The following DAPK1 variants were observed in gnomAD, a reference collection of about 807,000 sequenced individuals.
The protein encoded by DAPK1 is death associated protein kinase 1.
In DAPK1, 56 loss-of-function variants were observed where a neutral mutation model predicts 144.9. The observed-to-expected ratio is 0.39, with a 90% confidence interval of 0.31 to 0.48. DAPK1 has a LOEUF of 0.48. Ranked by LOEUF, DAPK1 falls within the 20% of genes least tolerant of loss-of-function variation. DAPK1 has a pLI of 0.95. For synonymous variants in DAPK1, 690 were observed against 749.0 expected, an observed-to-expected ratio of 0.92 and a Z score of 1.29; for missense variants, 1,454 against 1,875.4, an observed-to-expected ratio of 0.78 and a Z score of 4.15.
rs554666685 is a variant in DAPK1, at chr9:87,534,556, G to T, written c.62+35417G>T. 2.0e-5 allele frequency among the ~76,000 whole-genome samples: 3 copies of T among 152,206 alleles called. No homozygotes were observed. In the East Asian group the frequency reaches 5.8e-4, roughly 29 times the overall value. ...CATCTGCAGTGTTCTTGTTAGGTAAGCACTGTTGGGACAGGTAGAGTGAAT... is the reference window on the plus strand; with the variant it reads ...CATCTGCAGTGTTCTTGTTAGGTAATCACTGTTGGGACAGGTAGAGTGAAT... On this transcript the variant is annotated intron_variant, in intron 2 of 25. Transcript: ENST00000408954.
At chr9:87,598,311 C>T (rs1488527994) in intron 2 of DAPK1, among the ~76,000 whole-genome samples, 3 of 152,142 alleles carry the variant, frequency 2.0e-5, no homozygotes, top group African/African-American at 4.8e-5. Context: ...TTGGGAGGAG[C>T]GTAAAGATGG....
intron 19 of DAPK1, among the ~76,000 whole-genome samples, chr9:87,678,917 G>T (rs1368803214): frequency 1.3e-5 from 2 of 152,186 alleles, no homozygotes; most frequent in Non-Finnish European, 2.9e-5. Context: ...ATTGCAAATG[G>T]AAATAGGAAA....
chr9:87,662,734 C>T (rs1453659100), intron 18 of DAPK1, among the ~76,000 whole-genome samples: 1 of 151,748 alleles, frequency 6.6e-6, no homozygotes, highest in South Asian at 2.1e-4. Flanking sequence ...GTGACATCCT[C>T]AGGGTTTTCT....
At chr9:87,652,854 T>C (rs1830502202) in intron 17 of DAPK1, among the ~76,000 whole-genome samples, 1 of 147,900 alleles carries the variant, frequency 6.8e-6, no homozygotes, top group African/African-American at 2.5e-5. Context: ...TGATTCTGTG[T>C]CCATCCCCCC....
In DAPK1 at chr9:87,648,780, G is replaced by T; in HGVS notation, c.1330-1G>T. 1.2e-6 allele frequency: 2 copies of T among 1,613,784 alleles called. No homozygotes were observed. The highest frequency in any genetic ancestry group is 1.7e-6 in the Non-Finnish European group (2 of 1,179,602). On this transcript the variant is annotated splice_acceptor_variant, in intron 14 of 25. Transcript: ENST00000408954. LOFTEE classifies it high-confidence loss of function. ...AATCACCGGCTCCTTTTCTTCTGCA[G>T]TCTGGAGAGATGGCCCTCCACGTGG...
chr9:87,691,004 T>A (rs1383966451), intron 21 of DAPK1, among the ~76,000 whole-genome samples: 1 of 152,016 alleles, frequency 6.6e-6, no homozygotes, highest in Non-Finnish European at 1.5e-5. Flanking sequence ...TTTTACATTC[T>A]TTTCTGGTTT....
intron 17 of DAPK1, among the ~76,000 whole-genome samples, chr9:87,652,331 C>T (rs1258476039): frequency 1.7e-4 from 19 of 112,678 alleles, no homozygotes; most frequent in East Asian, 1.4e-3. Flanking sequence ...CTGTGTCCTC[C>T]CACCTGATCC....
chr9:87,519,576 G>A (rs1484732713), intron 2 of DAPK1, among the ~76,000 whole-genome samples: 1 of 152,112 alleles, frequency 6.6e-6, no homozygotes. Context: ...GTGACCAGTG[G>A]CCCGCTCTGT....
intron 2 of DAPK1, among the ~76,000 whole-genome samples, chr9:87,590,267 T>A (rs1408615827): frequency 6.6e-6 from 1 of 151,176 alleles, no homozygotes; most frequent in East Asian, 1.9e-4. Context: ...TTAAAAAAAA[T>A]ACCTAACAGG....
At position 87,604,794 on chromosome 9, in the gene DAPK1, A is replaced by G. The variant is rs183502614; in HGVS notation, c.63-160A>G. On this transcript the variant is annotated intron_variant, in intron 2 of 25. Coordinates refer to ENST00000408954, the MANE Select transcript of DAPK1 (RefSeq NM_004938.4). ...TTATAAAGAAACAGGCTTAGTGTAA[A>G]TGAATGATGATAAGAAACATCCCTA... Among the ~76,000 whole-genome samples the G allele has an allele frequency of 3.3e-5, 5 of 152,338 alleles. No homozygotes were observed. The East Asian group carries it at 9.7e-4, about 29-fold the overall frequency.
At chr9:87,568,120 G>T (rs1484398739) in intron 2 of DAPK1, among the ~76,000 whole-genome samples, 1 of 152,224 alleles carries the variant, frequency 6.6e-6, no homozygotes, top group African/African-American at 2.4e-5. Context: ...CAGCAGTGAG[G>T]AGGAGTGAAG....
chr9:87,517,678 G>C (rs1587678952), intron 2 of DAPK1, among the ~76,000 whole-genome samples: 1 of 152,178 alleles, frequency 6.6e-6, no homozygotes, highest in Admixed American at 6.5e-5. Context: ...ATAGTGTGTT[G>C]TGCACGTTTT....
chr9:87,646,282 G>T (rs1435099975), intron 12 of DAPK1, among the ~76,000 whole-genome samples, 179 bp from the exon 13 acceptor site: 1 of 152,196 alleles, frequency 6.6e-6, no homozygotes, highest in East Asian at 1.9e-4. Flanking sequence ...CTGATGATGA[G>T]AATCCAAAAG....
chr9:87,554,557 T>C (rs1826628600), intron 2 of DAPK1: 1 of 152,188 alleles, frequency 6.6e-6, no homozygotes, highest in Non-Finnish European at 1.5e-5. Flanking sequence ...AGCCAGAAGA[T>C]GGATGGGACC....
chr9:87,523,562 A>G (rs1343237013), intron 2 of DAPK1, among the ~76,000 whole-genome samples: 2 of 152,158 alleles, frequency 1.3e-5, no homozygotes, highest in Non-Finnish European at 2.9e-5. Flanking sequence ...GACCTCCCAA[A>G]GTGTTGGGAT....
chr9:87,571,498 A>AACACACACACACACAC (rs768913480), intron 2 of DAPK1, among the ~76,000 whole-genome samples: 6,335 of 46,156 alleles, frequency 0.14, 1,150 homozygotes, highest in South Asian at 0.16. Flanking sequence ...CACACACCCC[A>AACACACACACACACAC]ACACACACAC....
At chr9:87,678,071 G>T (rs1297716280) in intron 19 of DAPK1, among the ~76,000 whole-genome samples, 2 of 152,116 alleles carry the variant, frequency 1.3e-5, no homozygotes, top group Non-Finnish European at 2.9e-5. Flanking sequence ...TCCCTTTGGT[G>T]CTCTGTCTCT....
intron 18 of DAPK1, among the ~76,000 whole-genome samples, chr9:87,659,280 G>A (rs888436057): frequency 1.6e-4 from 25 of 152,042 alleles, no homozygotes; most frequent in Non-Finnish European, 2.6e-4. Flanking sequence ...CCAGTACTCC[G>A]CATGGGGTGA....
In DAPK1 at chr9:87,703,077, C is replaced by T. The variant is rs758039879; in HGVS notation, c.2920C>T (p.Pro974Ser). 6.3e-6 allele frequency: 10 copies of T among 1,599,760 alleles called. No individual in the cohort carries two copies. The highest frequency in any genetic ancestry group is 8.6e-6 in the Non-Finnish European group (10 of 1,166,820). ...HLCEKIISTL[P>S]SWRKLNGPNQ... ...GTGTGAGAAAATCATCTCCACGCTGCCTTCCTGGAGGAAGCTCAATGGACC... is the reference window on the plus strand; with the variant it reads ...GTGTGAGAAAATCATCTCCACGCTGTCTTCCTGGAGGAAGCTCAATGGACC... Residue 974 changes from proline to serine, a missense_variant, in exon 25 of 26, where the codon CCT (proline) becomes TCT (serine). This residue lies in a region of DAPK1 where 1,025 missense variants were observed against 1,237.9 expected (regional missense o/e 0.83). Coordinates refer to ENST00000408954, the MANE Select transcript of DAPK1 (RefSeq NM_004938.4).
Sources: allele counts gnomAD v4.1 joint callset (sites outside exome capture counted in the v4.1 genomes callset), GRCh38; gene constraint gnomAD v4.1.1; regional missense constraint gnomAD v4.1.1; transcripts MANE v1.5; gene names NCBI Gene and HGNC (gene_info 2026-07-23, HGNC 2026-07-21).